The following FGF1 variants were observed in gnomAD, a reference collection of about 807,000 sequenced individuals.
The protein encoded by FGF1 is beta-endothelial cell growth factor.
FGF1 carries 9 observed loss-of-function variants against 13.4 expected under a neutral mutation model. That is an observed-to-expected ratio of 0.67 (90% CI 0.40 to 1.17). The LOEUF (loss-of-function observed/expected upper bound fraction) is 1.17, where lower values mean the gene tolerates loss of function less well. FGF1 is among the 50% of genes most tolerant of loss of function. The pLI, the probability that FGF1 is intolerant of heterozygous loss-of-function variation, is 0.01. For synonymous variants in FGF1, 93 were observed against 79.0 expected, an observed-to-expected ratio of 1.18 and a Z score of -0.94; for missense variants, 156 against 192.7, an observed-to-expected ratio of 0.81 and a Z score of 1.13.
At chr5:142,614,518 A>G (rs1759789945) in intron 1 of FGF1, among the ~76,000 whole-genome samples, 1 of 152,198 alleles carries the variant, frequency 6.6e-6, no homozygotes, top group African/African-American at 2.4e-5. Flanking sequence ...CCAAAGTTGC[A>G]CTAAAATAAC....
At position 142,697,088 on chromosome 5, in the gene FGF1, GA is replaced by G. The variant is rs892536506; in HGVS notation, c.-35+533del. 9.9e-4 allele frequency among the ~76,000 whole-genome samples: 151 copies of G among 152,278 alleles called. 1 individual carries two copies. Among genetic ancestry groups the G allele is most frequent in the African/African-American group, 3.6e-3 (148 of 41,552 alleles). ...TTTATTCCTCTTGTTTTCAACCAGA[GA>G]AAGGAACTCTTGAATCTGTTAAGTA... is the stretch of plus-strand genomic sequence containing the variant. On this transcript the variant is annotated intron_variant, in intron 2 of 4. Transcript: ENST00000407758.
Position 142,662,757 on chromosome 5 carries a change from C to G in FGF1, c.-35+23200G>C, listed in dbSNP as rs144154521. ...GAACAAAGGAAACCTGTAGGTAGCA[C>G]TTTTCATACTTTGATTAAATACTGA... On this transcript the variant is annotated intron_variant, in intron 1 of 3. Transcript: ENST00000337706. 1.2e-3 allele frequency among the ~76,000 whole-genome samples: 181 copies of G among 152,276 alleles called. 1 individual carries two copies. The highest frequency in any genetic ancestry group is 4.0e-3 in the African/African-American group (165 of 41,558).
chr5:142,619,202 G>GT (rs1182247154), intron 1 of FGF1, among the ~76,000 whole-genome samples: 1 of 152,140 alleles, frequency 6.6e-6, no homozygotes, highest in Admixed American at 6.5e-5. Flanking sequence ...CCAAAGTGCT[G>GT]GGATTACAGG....
chr5:142,610,986 C>T (rs150137304), intron 2 of FGF1, among the ~76,000 whole-genome samples: 11 of 152,170 alleles, frequency 7.2e-5, no homozygotes, highest in Admixed American at 1.3e-4. Flanking sequence ...CAAAGGCATA[C>T]GGTTCTATCT....
intron 2 of FGF1, among the ~76,000 whole-genome samples, chr5:142,612,048 A>C (rs1406684212): frequency 2.0e-5 from 3 of 152,244 alleles, no homozygotes; most frequent in African/African-American, 7.2e-5. Context: ...CTTTTTGTAC[A>C]AATGAGAAAA....
intron 1 of FGF1, among the ~76,000 whole-genome samples, chr5:142,629,810 AT>A (rs1342493557): frequency 6.7e-6 from 1 of 148,760 alleles, no homozygotes; most frequent in Non-Finnish European, 1.5e-5. Context: ...AATCACAGAT[AT>A]TTTTGCATTA....
chr5:142,672,970 G>C (rs1346846299), intron 1 of FGF1, among the ~76,000 whole-genome samples: 14 of 152,168 alleles, frequency 9.2e-5, no homozygotes, highest in Admixed American at 5.2e-4. Context: ...AGGATTAAGA[G>C]GGGGACTTAC....
At chr5:142,666,025 C>A (rs548602930) in intron 1 of FGF1, among the ~76,000 whole-genome samples, 6 of 152,140 alleles carry the variant, frequency 3.9e-5, no homozygotes, top group Admixed American at 6.5e-5. Context: ...TGCTCCACCA[C>A]CCAGGGTCAG....
At chr5:142,691,583 A>C (rs1752243758) in intron 2 of FGF1, among the ~76,000 whole-genome samples, 1 of 152,224 alleles carries the variant, frequency 6.6e-6, no homozygotes, top group Admixed American at 6.5e-5. Context: ...TTATATACTC[A>C]GTACCGAGAC....
At chr5:142,694,931 G>A (rs1752869050) in intron 2 of FGF1, among the ~76,000 whole-genome samples, 1 of 152,062 alleles carries the variant, frequency 6.6e-6, no homozygotes, top group Non-Finnish European at 1.5e-5. Flanking sequence ...GCAGAAGAGG[G>A]GTCTAAAATA....
At chr5:142,662,123 C>T (rs544899695) in intron 1 of FGF1, among the ~76,000 whole-genome samples, 27 of 152,142 alleles carry the variant, frequency 1.8e-4, no homozygotes, top group African/African-American at 4.8e-4. Flanking sequence ...GTGGTGTGCC[C>T]GGGGCTGAGG....
At chr5:142,627,227 A>T (rs531217135) in intron 1 of FGF1, 12 of 152,170 alleles carry the variant, frequency 7.9e-5, no homozygotes, top group Non-Finnish European at 1.6e-4. Context: ...GTACTTCATA[A>T]TCATTTTGTA....
At chr5:142,660,709 C>T (rs1769062374) in intron 1 of FGF1, among the ~76,000 whole-genome samples, 1 of 152,240 alleles carries the variant, frequency 6.6e-6, no homozygotes, top group African/African-American at 2.4e-5. Context: ...ATGCCAAAGA[C>T]ACACACTCCA....
At chr5:142,686,874 G>C (rs923230433), upstream of FGF1, among the ~76,000 whole-genome samples, 1 of 152,186 alleles carries the variant, frequency 6.6e-6, no homozygotes, top group African/African-American at 2.4e-5. Flanking sequence ...AACTTCAGGG[G>C]TGGGAAATTC....
chr5:142,690,508 T>C (rs1752023929), upstream of FGF1, among the ~76,000 whole-genome samples: 1 of 152,208 alleles, frequency 6.6e-6, no homozygotes, highest in Non-Finnish European at 1.5e-5. Context: ...AAGAAAACTG[T>C]CTTTGTACCC....
At chr5:142,650,453 A>G (rs936912696) in intron 1 of FGF1, among the ~76,000 whole-genome samples, 1 of 152,212 alleles carries the variant, frequency 6.6e-6, no homozygotes, top group Non-Finnish European at 1.5e-5. Context: ...TCTGAGCTTC[A>G]GTTTCCTCAT....
chr5:142,658,985 G>A (rs1768667141), intron 1 of FGF1, among the ~76,000 whole-genome samples: 1 of 152,002 alleles, frequency 6.6e-6, no homozygotes, highest in Non-Finnish European at 1.5e-5. Flanking sequence ...GAGATGAGCT[G>A]GGTATAATGT....
At chr5:142,654,819 G>A (rs931780130) in intron 1 of FGF1, among the ~76,000 whole-genome samples, 4 of 152,184 alleles carry the variant, frequency 2.6e-5, no homozygotes, top group Admixed American at 2.6e-4. Flanking sequence ...GCATTCACAC[G>A]GGACTGAGAG....
intron 1 of FGF1, chr5:142,672,014 G>A (rs1247916958): frequency 2.6e-5 from 4 of 152,080 alleles, no homozygotes; most frequent in South Asian, 2.1e-4. Flanking sequence ...TGGTGGAATT[G>A]CACAAAAAAC....
Sources: gnomAD v4.1 joint callset for allele counts (sites outside exome capture counted in the v4.1 genomes callset) on GRCh38, gnomAD v4.1.1 for gene constraint, MANE v1.5 for transcripts, NCBI Gene and HGNC (gene_info 2026-07-23, HGNC 2026-07-21) for gene names.